The following CXADR variants were observed in gnomAD, a reference collection of about 807,000 sequenced individuals.
The protein encoded by CXADR is coxsackievirus and adenovirus receptor.
In CXADR, 20 loss-of-function variants were observed where a neutral mutation model predicts 40.3. That is an observed-to-expected ratio of 0.50 (90% CI 0.35 to 0.72). The LOEUF (loss-of-function observed/expected upper bound fraction) is 0.72. CXADR is among the 30% of genes least tolerant of loss of function. The pLI, the probability that CXADR is intolerant of heterozygous loss-of-function variation, is 0.01. For synonymous variants in CXADR, 150 were observed against 161.3 expected, an observed-to-expected ratio of 0.93 and a Z score of 0.53; for missense variants, 332 against 449.1, an observed-to-expected ratio of 0.74 and a Z score of 2.36.
chr21:17,562,061 T>C lies in CXADR; in HGVS notation c.833+585T>C, dbSNP rs143782930. ...ATAAATCACATGAATGTTTTTGTTT[T>C]TCCAGTGCATAAAAGGTTATGTTTA... On this transcript the variant is annotated intron_variant, in intron 6 of 6. Coordinates refer to ENST00000284878, the MANE Select transcript of CXADR (RefSeq NM_001338.5). Among the ~76,000 whole-genome samples the C allele has an allele frequency of 9.5e-4, 144 of 152,338 alleles. 2 individuals carry two copies. The East Asian group carries it at 0.02, about 22-fold the overall frequency.
chr21:17,609,156 C>A, the CXADR span: 1 of 1,604,148 alleles, frequency 6.2e-7, no homozygotes, highest in Non-Finnish European at 8.5e-7. Context: ...TTTTTCCCTG[C>A]AAAGATAAAA....
intron 1 of CXADR, among the ~76,000 whole-genome samples, chr21:17,538,548 G>A (rs2060789170): frequency 6.6e-6 from 1 of 152,176 alleles, no homozygotes; most frequent in South Asian, 2.1e-4. Flanking sequence ...ACCCATGCCT[G>A]TAATTCCAGC....
chr21:17,604,948 C>T, the CXADR span: 1 of 1,614,182 alleles, frequency 6.2e-7, no homozygotes, highest in Non-Finnish European at 8.5e-7. Flanking sequence ...TTTTCACAGG[C>T]TTTCAGGACA....
chr21:17,625,033 T>C, the CXADR span, among the ~76,000 whole-genome samples: 5 of 152,140 alleles, frequency 3.3e-5, no homozygotes, highest in Non-Finnish European at 7.3e-5. Context: ...CTCCCTCTAC[T>C]AAGACCTTTG....
At chr21:17,516,163 G>T (rs1401341132) in intron 1 of CXADR, among the ~76,000 whole-genome samples, 1 of 152,134 alleles carries the variant, frequency 6.6e-6, no homozygotes, top group African/African-American at 2.4e-5. Flanking sequence ...CAAGCAACCC[G>T]AGAGGGTATT....
the CXADR span, among the ~76,000 whole-genome samples, chr21:17,605,576 T>C: frequency 6.6e-6 from 1 of 152,244 alleles, no homozygotes; most frequent in African/African-American, 2.4e-5. Context: ...TAACATGTTA[T>C]TGGCTTATTT....
chr21:17,597,316 T>C (rs1031777246), downstream of CXADR, among the ~76,000 whole-genome samples: 16 of 152,022 alleles, frequency 1.1e-4, no homozygotes, highest in African/African-American at 3.4e-4. Context: ...TGAGGTAAAA[T>C]TGCCACACAT....
downstream of CXADR, among the ~76,000 whole-genome samples, chr21:17,594,554 C>G (rs772753453): frequency 6.6e-6 from 1 of 151,980 alleles, no homozygotes; most frequent in Non-Finnish European, 1.5e-5. Flanking sequence ...AATGAATAAA[C>G]TCAAACACAG....
chr21:17,606,117 T>A, the CXADR span, among the ~76,000 whole-genome samples: 1 of 152,214 alleles, frequency 6.6e-6, no homozygotes, highest in African/African-American at 2.4e-5. Context: ...ATAAGCATTT[T>A]AAAAAATTTA....
At position 17,567,993 on chromosome 21, in the gene CXADR, A is replaced by G. The variant is rs1455516190; in HGVS notation, c.*2301A>G. 1 of 985,170 alleles carries G rather than the reference A, an allele frequency of 1.0e-6. No individual in the cohort carries two copies. Among genetic ancestry groups the G allele is most frequent in the Non-Finnish European group, 1.2e-6 (1 of 829,876 alleles). The allele number at this position is 985,170 out of a possible 1,614,324, so 61.0% of individuals were successfully genotyped here. ...AGCCAAATAGTACCAATACGTTTTC[A>G]AGTAGTTCTCACTGATAATTTAGTT... On this transcript the variant is annotated 3_prime_UTR_variant, in exon 7 of 7. Coordinates refer to ENST00000284878, the MANE Select transcript of CXADR (RefSeq NM_001338.5).
the CXADR span, among the ~76,000 whole-genome samples, chr21:17,630,091 G>C: frequency 6.6e-6 from 1 of 152,032 alleles, no homozygotes; most frequent in African/African-American, 2.4e-5. Context: ...AGAAATCAAG[G>C]CTACCCAAAA....
the CXADR span, among the ~76,000 whole-genome samples, chr21:17,619,246 G>T: frequency 3.4e-4 from 52 of 152,118 alleles, no homozygotes; most frequent in Admixed American, 1.9e-3. Context: ...CAGGCTGGGC[G>T]CAATGCCTCA....
In CXADR at chr21:17,515,537, C is replaced by A. The variant is rs2060449711; in HGVS notation, c.43+2365C>A. Among the ~76,000 whole-genome samples, 3 of 151,968 alleles carry A rather than the reference C, an allele frequency of 2.0e-5. No individual in the cohort carries two copies. The South Asian group carries it at 6.2e-4, about 32-fold the overall frequency. ...TAGAAATGCATTGGTATGGGCCGGGCGCGGTGGCTCACGCCTGTAATCCCA... is the reference window on the plus strand; with the variant it reads ...TAGAAATGCATTGGTATGGGCCGGGAGCGGTGGCTCACGCCTGTAATCCCA... On this transcript the variant is annotated intron_variant, in intron 1 of 6. Coordinates refer to ENST00000284878, the MANE Select transcript of CXADR (RefSeq NM_001338.5).
chr21:17,551,425 G>T (rs534882486), intron 2 of CXADR, among the ~76,000 whole-genome samples: 1 of 152,032 alleles, frequency 6.6e-6, no homozygotes. Flanking sequence ...AAAAGACAAC[G>T]AACAAGCAAA....
the CXADR span, among the ~76,000 whole-genome samples, chr21:17,631,989 T>G: frequency 6.6e-6 from 1 of 152,142 alleles, no homozygotes; most frequent in African/African-American, 2.4e-5. Context: ...TTTTAAATTT[T>G]TTGTAGATAC....
At chr21:17,623,831 C>A in the CXADR span, among the ~76,000 whole-genome samples, 1 of 152,196 alleles carries the variant, frequency 6.6e-6, no homozygotes, top group African/African-American at 2.4e-5. Flanking sequence ...TATCCCTGAG[C>A]AAATCCTCTT....
chr21:17,624,555 C>G, the CXADR span, among the ~76,000 whole-genome samples: 1 of 152,208 alleles, frequency 6.6e-6, no homozygotes, highest in Admixed American at 6.5e-5. Context: ...TGCTGAATCT[C>G]TCTTGCTGCA....
At chr21:17,588,620 C>A (rs1004225260) in intron 7 of CXADR, among the ~76,000 whole-genome samples, 12 of 152,118 alleles carry the variant, frequency 7.9e-5, no homozygotes, top group Non-Finnish European at 1.3e-4. Context: ...ATTCACCAAA[C>A]TTCTGTATAT....
At chr21:17,622,838 G>A in the CXADR span, among the ~76,000 whole-genome samples, 1 of 152,068 alleles carries the variant, frequency 6.6e-6, no homozygotes, top group African/African-American at 2.4e-5. Flanking sequence ...AATATAAAAA[G>A]GTGCACCATT....
Sources: allele counts gnomAD v4.1 joint callset (sites outside exome capture counted in the v4.1 genomes callset), GRCh38; gene constraint gnomAD v4.1.1; transcripts MANE v1.5; gene names NCBI Gene and HGNC (gene_info 2026-07-23, HGNC 2026-07-21).